VPS50: variants seen among roughly 807,000 people sequenced by gnomAD.
The protein encoded by VPS50 is VPS50 subunit of EARP/GARPII complex.
Under a neutral mutation model 139.7 loss-of-function variants are expected in VPS50, and 70 were observed. The observed-to-expected ratio is 0.50, with a 90% CI of 0.41 to 0.61. VPS50 has a LOEUF of 0.61. Ranked by LOEUF, VPS50 falls within the 20% of genes least tolerant of loss-of-function variation. The probability of loss-of-function intolerance (pLI) is 0.00; values close to 1 mark genes in which losing one functional copy is unlikely to be tolerated. For synonymous variants in VPS50, 365 were observed against 376.7 expected, an observed-to-expected ratio of 0.97 and a Z score of 0.36; for missense variants, 921 against 1,133.7, an observed-to-expected ratio of 0.81 and a Z score of 2.69.
Position 93,292,635 on chromosome 7 carries a change from C to G in VPS50, c.1075+800C>G, listed in dbSNP as rs184456533. Among the ~76,000 whole-genome samples, 329 of 151,942 alleles carry G rather than the reference C, an allele frequency of 2.2e-3. 1 individual carries two copies. Among genetic ancestry groups the G allele is most frequent in the African/African-American group, 7.5e-3 (311 of 41,452 alleles). On this transcript the variant is annotated intron_variant, in intron 13 of 27. Coordinates refer to ENST00000305866, the MANE Select transcript of VPS50 (RefSeq NM_017667.4). ...TCAATCAAGTTACTTTAATAAACTTCCAGTTTCTGAGGGGCTTATTTTCTG... is the reference window on the plus strand; with the variant it reads ...TCAATCAAGTTACTTTAATAAACTTGCAGTTTCTGAGGGGCTTATTTTCTG...
intron 9 of VPS50, among the ~76,000 whole-genome samples, chr7:93,265,574 CT>C (rs1286557641): frequency 5.9e-4 from 90 of 151,980 alleles, no homozygotes; most frequent in Middle Eastern, 6.8e-3. Context: ...TTCTTTCTTT[CT>C]TTTTTTGGAG....
chr7:93,250,591 C>G (rs572245116), intron 2 of VPS50, among the ~76,000 whole-genome samples: 13 of 151,996 alleles, frequency 8.6e-5, no homozygotes, highest in Admixed American at 5.2e-4. Context: ...TATAAAAACC[C>G]TAGAAGAAAA....
chr7:93,249,182 T>A lies in VPS50; in HGVS notation c.103-3471T>A, dbSNP rs145841807. On this transcript the variant is annotated intron_variant, in intron 2 of 27. Coordinates refer to ENST00000305866, the MANE Select transcript of VPS50 (RefSeq NM_017667.4). ...TTTGACATACATATACAGATTGTACTCCTTTTACAGATTCATCATGTTTTT... is the reference window on the plus strand; with the variant it reads ...TTTGACATACATATACAGATTGTACACCTTTTACAGATTCATCATGTTTTT... Among the ~76,000 whole-genome samples, 416 of 152,256 alleles carry A rather than the reference T, an allele frequency of 2.7e-3. 7 individuals carry two copies. Among genetic ancestry groups the A allele is most frequent in the Admixed American group, 0.025 (381 of 15,280 alleles).
At chr7:93,265,442 C>T (rs1795812582) in intron 9 of VPS50, among the ~76,000 whole-genome samples, 1 of 152,180 alleles carries the variant, frequency 6.6e-6, no homozygotes, top group Non-Finnish European at 1.5e-5. Flanking sequence ...CACAGACTGC[C>T]AGCTGGATTT....
chr7:93,238,892 T>C (rs1028263749), intron 1 of VPS50, among the ~76,000 whole-genome samples: 2 of 152,122 alleles, frequency 1.3e-5, no homozygotes, highest in Admixed American at 1.3e-4. Context: ...TTAGATATTC[T>C]GGGGGTAATG....
At chr7:93,328,175 C>T (rs1353511360) in intron 21 of VPS50, among the ~76,000 whole-genome samples, 2 of 152,156 alleles carry the variant, frequency 1.3e-5, no homozygotes, top group Non-Finnish European at 2.9e-5. Context: ...GCCTTGTCCC[C>T]AGCTTTCCAT....
intron 22 of VPS50, among the ~76,000 whole-genome samples, chr7:93,339,579 G>A (rs1461163284): frequency 6.6e-6 from 1 of 152,020 alleles, no homozygotes; most frequent in Admixed American, 6.6e-5. Flanking sequence ...TTCTTTGAGG[G>A]TTTTTTAAAG....
At chr7:93,342,690 CCGAA>C (rs1460206833) in intron 23 of VPS50, among the ~76,000 whole-genome samples, 1 of 152,204 alleles carries the variant, frequency 6.6e-6, no homozygotes, top group Non-Finnish European at 1.5e-5. Context: ...CCCCGAGCAG[CCGAA>C]CTGGGAGGCA....
intron 9 of VPS50, among the ~76,000 whole-genome samples, chr7:93,267,154 C>A (rs1227389103): frequency 6.6e-6 from 1 of 152,136 alleles, no homozygotes; most frequent in East Asian, 1.9e-4. Flanking sequence ...AGATATATTT[C>A]TTTTTCCTCC....
At chr7:93,358,213 T>C in intron 27 of VPS50, 104 bp from the exon 28 acceptor site, 1 of 1,010,934 alleles carries the variant, frequency 9.9e-7, no homozygotes, top group East Asian at 2.4e-5. Context: ...TTTATAATGC[T>C]CAGTAACTAT....
chr7:93,340,533 T>A (rs1166162911), intron 22 of VPS50: 1 of 152,188 alleles, frequency 6.6e-6, no homozygotes. Context: ...TTGCTATGTA[T>A]TGAGAAGTTG....
intron 18 of VPS50, 86 bp from the exon 19 acceptor site, chr7:93,308,738 T>C (rs1797184522): frequency 5.1e-6 from 3 of 589,126 alleles, no homozygotes; most frequent in South Asian, 5.4e-5. Context: ...CTGTTTCTTA[T>C]AAAACTGAGT....
chr7:93,336,219 G>C (rs1445728841), intron 22 of VPS50, among the ~76,000 whole-genome samples: 1 of 151,726 alleles, frequency 6.6e-6, no homozygotes, highest in East Asian at 1.9e-4. Flanking sequence ...ATACTTTTTT[G>C]GTAATTTTAT....
chr7:93,289,732 A>C (rs900927737), intron 12 of VPS50, among the ~76,000 whole-genome samples: 19 of 152,070 alleles, frequency 1.2e-4, no homozygotes, highest in Admixed American at 1.0e-3. Flanking sequence ...CCAGCTAACT[A>C]TACAATTTTC....
chr7:93,288,934 A>G (rs1796570278), intron 12 of VPS50, among the ~76,000 whole-genome samples: 1 of 151,976 alleles, frequency 6.6e-6, no homozygotes, highest in Admixed American at 6.6e-5. Flanking sequence ...AGACTGGGGG[A>G]CAGGGGCCCT....
chr7:93,325,059 C>T (rs1183622902), intron 21 of VPS50, among the ~76,000 whole-genome samples: 2 of 151,892 alleles, frequency 1.3e-5, no homozygotes, highest in African/African-American at 2.4e-5. Flanking sequence ...TACAAGGCTA[C>T]AGTAACCAAA....
intron 8 of VPS50, among the ~76,000 whole-genome samples, chr7:93,258,847 A>G (rs189527108): frequency 1.3e-5 from 2 of 152,140 alleles, no homozygotes; most frequent in East Asian, 1.9e-4. Flanking sequence ...ATAATGTAAT[A>G]TGTGTGTCTC....
chr7:93,253,525 A>C (rs895095872), intron 3 of VPS50, among the ~76,000 whole-genome samples: 1 of 152,220 alleles, frequency 6.6e-6, no homozygotes, highest in Non-Finnish European at 1.5e-5. Context: ...TTACTGTCTC[A>C]CATTCTCCTG....
chr7:93,350,466 C>A (rs1371267298), intron 25 of VPS50, among the ~76,000 whole-genome samples: 1 of 151,638 alleles, frequency 6.6e-6, no homozygotes, highest in Admixed American at 6.6e-5. Context: ...AGCCAATGAC[C>A]TGTGTTTATA....
Sources: gnomAD v4.1 joint callset for allele counts (sites outside exome capture counted in the v4.1 genomes callset) on GRCh38, gnomAD v4.1.1 for gene constraint, MANE v1.5 for transcripts, NCBI Gene and HGNC (gene_info 2026-07-23, HGNC 2026-07-21) for gene names.